Variants in SEC61B observed in about 807,000 individuals in gnomAD.
SEC61B encodes the protein SEC61 translocon subunit beta.
A neutral mutation model predicts 12.6 loss-of-function variants in SEC61B; 7 were observed. The ratio of observed to expected loss-of-function variants is 0.55; its 90% CI spans 0.32 to 1.04. The LOEUF is 1.04. SEC61B is among the 50% of genes least tolerant of loss of function. The probability of loss-of-function intolerance (pLI) is 0.05; values close to 1 mark genes in which losing one functional copy is unlikely to be tolerated. For missense variants in SEC61B, 107 were observed against 130.1 expected (o/e 0.82, Z 0.86); for synonymous variants, 54 against 50.1 (o/e 1.08, Z -0.33).
At chr9:99,224,059 G>A (rs1828869714) in intron 2 of SEC61B, among the ~76,000 whole-genome samples, 1 of 152,176 alleles carries the variant, frequency 6.6e-6, no homozygotes, top group South Asian at 2.1e-4. Flanking sequence ...GTTGTTTTGG[G>A]ATTTTTGAAG....
chr9:99,227,888 C>G lies in SEC61B; in HGVS notation c.102-11C>G, dbSNP rs770861558. On this transcript the variant is annotated splice_polypyrimidine_tract_variant and intron_variant, in intron 2 of 3. Transcript: ENST00000223641. ...AGAAAAGGCCATTTGTAACATTTTC[C>G]TCTCTTTCAGGAAAAATGCCAGCTG... 6.2e-7 allele frequency: 1 copy of G among 1,608,244 alleles called. No individual in the cohort carries two copies. Among genetic ancestry groups the G allele is most frequent in the Non-Finnish European group, 8.5e-7 (1 of 1,175,034 alleles).
Position 99,222,323 on chromosome 9 carries a change from C to T in SEC61B, c.-41C>T, listed in dbSNP as rs1337091818. On this transcript the variant is annotated 5_prime_UTR_variant, in exon 1 of 4. Transcript: ENST00000223641. Reference sequence around the variant, plus strand: ...GGTCTTTCGGGGGCTCCGTAACTTTCTATCCGTCCGCGTCAGCGCCTTGCC... The same window carrying T: ...GGTCTTTCGGGGGCTCCGTAACTTTTTATCCGTCCGCGTCAGCGCCTTGCC... 13 of 1,614,164 alleles carry T rather than the reference C, an allele frequency of 8.1e-6. No individual in the cohort carries two copies. The highest frequency in any genetic ancestry group is 1.7e-4 in the Middle Eastern group (1 of 6,060).
At chr9:99,223,614 C>T (rs193263731) in intron 2 of SEC61B, among the ~76,000 whole-genome samples, 57 of 152,000 alleles carry the variant, frequency 3.8e-4, no homozygotes, top group Middle Eastern at 3.4e-3. Context: ...AGGATGGTCT[C>T]GATCTCCTGA....
At chr9:99,222,849 A>C in intron 2 of SEC61B, 1 of 486,252 alleles carries the variant, frequency 2.1e-6, no homozygotes. Context: ...TACTCTTAAA[A>C]AAGGAAAGTT....
At chr9:99,223,332 CAAAA>C (rs530132509) in intron 2 of SEC61B, among the ~76,000 whole-genome samples, 1 of 128,974 alleles carries the variant, frequency 7.8e-6, no homozygotes, top group African/African-American at 2.9e-5. Flanking sequence ...AACAAACAAA[CAAAA>C]AAAAAAAACC....
At chr9:99,223,385 A>G (rs1588621943) in intron 2 of SEC61B, among the ~76,000 whole-genome samples, 1 of 148,924 alleles carries the variant, frequency 6.7e-6, no homozygotes, top group Non-Finnish European at 1.5e-5. Context: ...TTTCAGCCTA[A>G]CCTTTCTTTT....
At chr9:99,228,324 C>T (rs1370941502) in intron 3 of SEC61B, among the ~76,000 whole-genome samples, 3 of 152,156 alleles carry the variant, frequency 2.0e-5, no homozygotes, top group Non-Finnish European at 2.9e-5. Context: ...GATCTTGCCC[C>T]GTACCAAGAA....
Position 99,230,590 on chromosome 9 carries a change from C to A in SEC61B, c.*166C>A. ...TTGAGGAATCAGTTTTTTTCTATGG[C>A]TAATAAACTTTTTAATTCACTTATA... On this transcript the variant is annotated 3_prime_UTR_variant, in exon 4 of 4. Transcript: ENST00000223641. 1.8e-6 allele frequency: 1 copy of A among 560,388 alleles called. No homozygotes were observed. The highest frequency in any genetic ancestry group is 3.1e-6 in the Non-Finnish European group (1 of 319,468). The allele number at this position is 560,388 out of a possible 1,614,324, so 34.7% of individuals were successfully genotyped here.
intron 2 of SEC61B, among the ~76,000 whole-genome samples, chr9:99,223,534 C>T (rs1828862130): frequency 1.3e-5 from 2 of 152,122 alleles, no homozygotes; most frequent in Admixed American, 1.3e-4. Context: ...GCTGAGACTG[C>T]AGGCACGTGC....
At position 99,230,542 on chromosome 9, in the gene SEC61B, AG is replaced by A. The variant is rs1828949231; in HGVS notation, c.*122del. 1 of 686,176 alleles carries A rather than the reference AG, an allele frequency of 1.5e-6. No individual in the cohort carries two copies. Among genetic ancestry groups the A allele is most frequent in the Admixed American group, 2.6e-5 (1 of 37,736 alleles). The allele number at this position is 686,176 out of a possible 1,614,324, so 42.5% of individuals were successfully genotyped here. ...ATTTTCTGTAAGCTTGCTGTTTTAC[AG>A]GGGATTTATCAATAATTGATTTTGA... On this transcript the variant is annotated 3_prime_UTR_variant, in exon 4 of 4. Coordinates refer to ENST00000223641, the MANE Select transcript of SEC61B (RefSeq NM_006808.3).
chr9:99,224,724 A>G (rs1312759690), intron 2 of SEC61B, among the ~76,000 whole-genome samples: 2 of 152,230 alleles, frequency 1.3e-5, no homozygotes, highest in African/African-American at 4.8e-5. Context: ...GAGACCTGAC[A>G]GTGTTTCCTT....
chr9:99,222,469 G>T, intron 1 of SEC61B, 77 bp from the exon 2 acceptor site: 1 of 1,604,414 alleles, frequency 6.2e-7, no homozygotes, highest in Non-Finnish European at 8.5e-7. Flanking sequence ...CCCCAGCCTC[G>T]GGTGTGGGTG....
At chr9:99,227,173 G>A (rs1755667) in intron 2 of SEC61B, among the ~76,000 whole-genome samples, 1 of 142,720 alleles carries the variant, frequency 7.0e-6, no homozygotes, top group Non-Finnish European at 1.5e-5. Context: ...GGCTGAGGCA[G>A]AAGAATCGCT....
In SEC61B at chr9:99,222,611, C is replaced by A. The variant is rs375590327; in HGVS notation, c.69C>A (p.Ala23=). ...GGCGCTCTCCCAGCAAAGCAGTGGC[C>A]GCCCGGGCGGCGGGATCCACTGTCC... ...SSGRSPSKAV[A]ARAAGSTVRQ... Residue 23 remains alanine (A), a synonymous_variant, in exon 2 of 4, where the codon GCC becomes GCA. Transcript: ENST00000223641. The A allele has an allele frequency of 1.5e-5, 24 of 1,552,648 alleles. No homozygotes were observed. Among genetic ancestry groups the A allele is most frequent in the Non-Finnish European group, 2.1e-5 (24 of 1,148,180 alleles).
intron 2 of SEC61B, among the ~76,000 whole-genome samples, chr9:99,224,549 A>G (rs1195897973): frequency 2.0e-5 from 3 of 152,242 alleles, no homozygotes; most frequent in African/African-American, 7.2e-5. Flanking sequence ...GAAATTATTT[A>G]TTTAATAGTA....
intron 2 of SEC61B, among the ~76,000 whole-genome samples, chr9:99,226,135 A>G (rs79921683): frequency 0.06 from 9,147 of 152,276 alleles, 329 homozygotes; most frequent in Non-Finnish European, 0.079. Flanking sequence ...CCAGGCTACC[A>G]CGTAGTCCAT....
rs1270053853 is a variant in SEC61B, at chr9:99,227,989, T to G, written c.192T>G (p.Pro64=). ...GGCGATTCTACACAGAAGATTCACCTGGGCTCAAAGTGTAAGTCTTAGGAA... is the reference window on the plus strand; with the variant it reads ...GGCGATTCTACACAGAAGATTCACCGGGGCTCAAAGTGTAAGTCTTAGGAA... ...GMWRFYTEDS[P]GLKVGPVPVL... is the part of the protein sequence containing the mutation. The change falls in exon 3 of 4, where the codon CCT becomes CCG. Residue 64 remains proline, a synonymous_variant. Coordinates refer to ENST00000223641, the MANE Select transcript of SEC61B (RefSeq NM_006808.3). The G allele has an allele frequency of 6.2e-7, 1 of 1,613,518 alleles. No homozygotes were observed. The highest frequency in any genetic ancestry group is 8.5e-7 in the Non-Finnish European group (1 of 1,179,610).
chr9:99,226,599 G>A (rs375246600), intron 2 of SEC61B, among the ~76,000 whole-genome samples: 108 of 152,236 alleles, frequency 7.1e-4, no homozygotes, highest in African/African-American at 2.5e-3. Flanking sequence ...GGTGATACAT[G>A]GTCTGAAGAA....
intron 3 of SEC61B, among the ~76,000 whole-genome samples, chr9:99,228,435 C>T (rs1828924682): frequency 6.6e-6 from 1 of 152,228 alleles, no homozygotes; most frequent in South Asian, 2.1e-4. Flanking sequence ...TCCCATTAGG[C>T]TGTGTTACCA....
Sources: allele counts gnomAD v4.1 joint callset (sites outside exome capture counted in the v4.1 genomes callset), GRCh38; gene constraint gnomAD v4.1.1; transcripts MANE v1.5; gene names NCBI Gene and HGNC (gene_info 2026-07-23, HGNC 2026-07-21).